Variants in ACO2 observed in about 807,000 individuals in gnomAD.
ACO2 encodes the protein aconitate hydratase, mitochondrial.
ACO2 carries 31 observed loss-of-function variants against 84.5 expected under a neutral mutation model. The observed-to-expected ratio is 0.37, with a 90% CI of 0.28 to 0.50. The LOEUF is 0.50. Ranked by LOEUF, ACO2 falls within the 20% of genes least tolerant of loss-of-function variation. The pLI, the probability that ACO2 is intolerant of heterozygous loss-of-function variation, is 0.97. For missense variants in ACO2, 685 were observed against 1,029.3 expected (o/e 0.67, Z 4.58); for synonymous variants, 414 against 412.7 (o/e 1.00, Z -0.04).
intron 9 of ACO2, among the ~76,000 whole-genome samples, chr22:41,522,560 T>TA (rs2066535394): frequency 6.6e-6 from 1 of 152,212 alleles, no homozygotes; most frequent in African/African-American, 2.4e-5. Flanking sequence ...GTGTACATGA[T>TA]ATTGCTGTAA....
chr22:41,492,425 T>C (rs1251740785), intron 1 of ACO2, among the ~76,000 whole-genome samples: 1 of 151,922 alleles, frequency 6.6e-6, no homozygotes, highest in Non-Finnish European at 1.5e-5. Flanking sequence ...TCACCTGAGG[T>C]CAGGAGTTTG....
intron 1 of ACO2, among the ~76,000 whole-genome samples, chr22:41,483,479 A>G (rs1259258614): frequency 1.3e-5 from 2 of 152,112 alleles, no homozygotes; most frequent in Non-Finnish European, 2.9e-5. Context: ...CAACATGGCA[A>G]AACCCTGTCT....
At chr22:41,483,116 C>T (rs371727299) in intron 1 of ACO2, among the ~76,000 whole-genome samples, 1 of 152,094 alleles carries the variant, frequency 6.6e-6, no homozygotes, top group African/African-American at 2.4e-5. Flanking sequence ...AAGTGGAGGG[C>T]GAGGGCGCAG....
intron 11 of ACO2, 131 bp from the exon 12 acceptor site, chr22:41,523,699 G>A (rs2066546613): frequency 3.7e-6 from 3 of 812,860 alleles, no homozygotes; most frequent in Admixed American, 2.1e-5. Context: ...GGCAACCCTG[G>A]CAGGGCCTCT....
In ACO2 at chr22:41,527,347, G is replaced by T. The variant is rs780985245; in HGVS notation, c.2013G>T (p.Arg671=). The part of the protein sequence containing the change: ...GDENYGEGSS[R]EHAALEPRHL... ...AGAACTACGGCGAGGGCTCGAGCCG[G>T]GAGCATGCAGCTCTGGAGCCTCGCC... Residue 671 remains arginine (R), a synonymous_variant, in exon 16 of 18, where the codon CGG becomes CGT. Coordinates refer to ENST00000216254, the MANE Select transcript of ACO2 (RefSeq NM_001098.3). The T allele has an allele frequency of 1.2e-6, 2 of 1,614,146 alleles. No individual in the cohort carries two copies. Among genetic ancestry groups the T allele is most frequent in the Non-Finnish European group, 8.5e-7 (1 of 1,180,028 alleles).
intron 1 of ACO2, among the ~76,000 whole-genome samples, chr22:41,479,074 T>C (rs1050130504): frequency 6.6e-6 from 1 of 152,178 alleles, no homozygotes; most frequent in Non-Finnish European, 1.5e-5. Flanking sequence ...AAGGGCCCTG[T>C]CTGTGGAAGA....
At chr22:41,496,598 C>T (rs528699867) in intron 1 of ACO2, among the ~76,000 whole-genome samples, 92 of 152,284 alleles carry the variant, frequency 6.0e-4, no homozygotes, top group African/African-American at 2.1e-3. Context: ...GCTCCTCCAC[C>T]CGTCACAGGG....
chr22:41,525,667 T>TTA, intron 14 of ACO2: 2 of 351,936 alleles, frequency 5.7e-6, no homozygotes, highest in Admixed American at 4.2e-5. Flanking sequence ...GGACAGTGTG[T>TTA]GTGATTGCAC....
chr22:41,486,940 G>T (rs1428690340), intron 1 of ACO2, among the ~76,000 whole-genome samples: 1 of 151,944 alleles, frequency 6.6e-6, no homozygotes, highest in East Asian at 1.9e-4. Flanking sequence ...CTGGAGTGCA[G>T]TGGCGCCATC....
intron 1 of ACO2, among the ~76,000 whole-genome samples, chr22:41,498,746 A>G (rs981270661): frequency 5.3e-5 from 8 of 152,200 alleles, no homozygotes; most frequent in Non-Finnish European, 1.0e-4. Context: ...TCAAAGTCCA[A>G]TAGCATCCCT....
intron 2 of ACO2, among the ~76,000 whole-genome samples, chr22:41,505,442 T>C (rs1345793624): frequency 1.3e-5 from 2 of 150,998 alleles, no homozygotes; most frequent in Non-Finnish European, 2.9e-5. Flanking sequence ...ATAATAATAA[T>C]AATAATAATA....
chr22:41,522,397 A>C (rs950223786), intron 9 of ACO2, among the ~76,000 whole-genome samples: 1 of 152,208 alleles, frequency 6.6e-6, no homozygotes, highest in Admixed American at 6.5e-5. Context: ...GGTTTTATAG[A>C]CTTTTTAAAA....
rs187489206 is a variant in ACO2 at position 41,492,685 on chromosome 22, C to T, written c.37-7041C>T. 2.8e-3 allele frequency among the ~76,000 whole-genome samples: 428 copies of T among 152,142 alleles called. 1 individual carries two copies. The highest frequency in any genetic ancestry group is 4.7e-3 in the Non-Finnish European group (317 of 67,998). On this transcript the variant is annotated intron_variant, in intron 1 of 17. Coordinates refer to ENST00000216254, the MANE Select transcript of ACO2 (RefSeq NM_001098.3). ...TTACTCGGGAGGCTGAGGCAGGAGA[C>T]TCGCTTGAACCTGGGAGGCAGAGGT...
intron 12 of ACO2, 122 bp from the exon 13 acceptor site, chr22:41,524,724 G>A: frequency 6.8e-7 from 1 of 1,478,542 alleles, no homozygotes; most frequent in Non-Finnish European, 9.3e-7. Flanking sequence ...GAACACAGGG[G>A]TCTGGGAAGA....
Position 41,525,202 on chromosome 22 carries a change from C to A in ACO2, c.1615C>A (p.Pro539Thr). 1.9e-6 allele frequency: 3 copies of A among 1,613,924 alleles called. No homozygotes were observed. Among genetic ancestry groups the A allele is most frequent in the Non-Finnish European group, 2.5e-6 (3 of 1,179,890 alleles). Reference protein sequence around the residue: ...ADELPKGEFDPGQDTYQHPPK... With the variant: ...ADELPKGEFDTGQDTYQHPPK... Reference sequence around the variant, plus strand: ...CCATTCCCTGCTGCAGGAGTTTGACCCAGGGCAGGACACCTACCAGCACCC... The same window carrying A: ...CCATTCCCTGCTGCAGGAGTTTGACACAGGGCAGGACACCTACCAGCACCC... Residue 539 changes from proline to threonine, a missense_variant, in exon 14 of 18, where the codon CCA (proline) becomes ACA (threonine). Physicochemically the swap from Pro to Thr is conservative, Grantham distance 38 (BLOSUM62 -1). This residue lies in a region of ACO2 where 311 missense variants were observed against 441.6 expected (regional missense o/e 0.70). Coordinates refer to ENST00000216254, the MANE Select transcript of ACO2 (RefSeq NM_001098.3).
chr22:41,469,246 G>A (rs1319507244), intron 1 of ACO2, 64 bp downstream of exon 1: 3 of 1,569,474 alleles, frequency 1.9e-6, no homozygotes, highest in Non-Finnish European at 2.6e-6. Flanking sequence ...GCCGGCGGCT[G>A]TGGGCGAGGC....
chr22:41,501,411 C>T (rs182844922), intron 2 of ACO2, among the ~76,000 whole-genome samples: 1 of 152,308 alleles, frequency 6.6e-6, no homozygotes, highest in African/African-American at 2.4e-5. Context: ...GGGTTAGATG[C>T]TGCCACCAAA....
At chr22:41,507,447 A>G (rs2066402037) in intron 2 of ACO2, among the ~76,000 whole-genome samples, 1 of 152,084 alleles carries the variant, frequency 6.6e-6, no homozygotes, top group African/African-American at 2.4e-5. Context: ...AAATGGCAGG[A>G]ATGATGAGAT....
chr22:41,515,649 C>G lies in ACO2; in HGVS notation c.684+114C>G. 1 of 1,587,738 alleles carries G rather than the reference C, an allele frequency of 6.3e-7. No homozygotes were observed. The highest frequency in any genetic ancestry group is 1.1e-5 in the South Asian group (1 of 88,102). ...AGGGAACAAGTTAGACTCGAATCTT[C>G]TGGGAGGGAGGTAGAGACCAATAAG... On this transcript the variant is annotated intron_variant, in intron 5 of 17. Transcript: ENST00000216254. The surrounding 1 kb of genome is among the most constrained non-coding windows in gnomAD (Gnocchi z 5.8).
Sources: allele counts gnomAD v4.1 joint callset (sites outside exome capture counted in the v4.1 genomes callset), GRCh38; gene constraint gnomAD v4.1.1; regional missense constraint gnomAD v4.1.1; non-coding constraint Gnocchi (gnomAD v3.1); transcripts MANE v1.5; gene names NCBI Gene and HGNC (gene_info 2026-07-23, HGNC 2026-07-21).